Variants in ZNF385D observed in about 807,000 individuals in gnomAD.
ZNF385D encodes zinc finger protein 385D.
Under a neutral mutation model 35.8 loss-of-function variants are expected in ZNF385D, and 15 were observed. That is an observed-to-expected ratio of 0.42 (90% CI 0.28 to 0.64). The LOEUF (loss-of-function observed/expected upper bound fraction) is 0.64. ZNF385D is among the 30% of genes least tolerant of loss of function. ZNF385D has a pLI of 0.23. For synonymous variants in ZNF385D, 212 were observed against 186.8 expected (o/e 1.13, Z -1.10); for missense variants, 474 against 494.6 (o/e 0.96, Z 0.39).
At chr3:21,760,971 G>A (rs1317494232) in intron 3 of ZNF385D, among the ~76,000 whole-genome samples, 1 of 152,172 alleles carries the variant, frequency 6.6e-6, no homozygotes, top group African/African-American at 2.4e-5. Context: ...GACTGAGTGT[G>A]ACTTTAATGG....
chr3:22,111,892 T>C (rs1211184237), intron 3 of ZNF385D, among the ~76,000 whole-genome samples: 1 of 152,054 alleles, frequency 6.6e-6, no homozygotes, highest in Non-Finnish European at 1.5e-5. Context: ...TACTGAGAAG[T>C]GAAAAGCACA....
At chr3:22,050,363 AAAACAAAC>A (rs541971066) in intron 3 of ZNF385D, among the ~76,000 whole-genome samples, 3 of 151,842 alleles carry the variant, frequency 2.0e-5, no homozygotes, top group South Asian at 2.1e-4. Context: ...CTCTGTCAAA[AAAACAAAC>A]AAACAAACAA....
intron 2 of ZNF385D, among the ~76,000 whole-genome samples, chr3:21,585,907 G>A (rs1027047873): frequency 6.6e-6 from 1 of 152,164 alleles, no homozygotes; most frequent in Non-Finnish European, 1.5e-5. Flanking sequence ...AGTAGCTCAT[G>A]TCTGTAGTCC....
intron 2 of ZNF385D, among the ~76,000 whole-genome samples, chr3:22,366,043 T>A (rs531426324): frequency 7.9e-5 from 12 of 152,164 alleles, no homozygotes; most frequent in South Asian, 6.2e-4. Context: ...AATTTTTTTT[T>A]AATATTTTTT....
chr3:21,798,052 G>A (rs2072232670), intron 3 of ZNF385D, among the ~76,000 whole-genome samples: 1 of 152,184 alleles, frequency 6.6e-6, no homozygotes, highest in African/African-American at 2.4e-5. Context: ...ATGTGTCAAT[G>A]CAAGTTCATG....
intron 4 of ZNF385D, among the ~76,000 whole-genome samples, chr3:21,471,116 C>G (rs1226968860): frequency 6.6e-6 from 1 of 152,078 alleles, no homozygotes; most frequent in Non-Finnish European, 1.5e-5. Context: ...ATGGTTTGCC[C>G]AAGATCAGAC....
chr3:21,706,847 GATAGATAA>G (rs1359425633), intron 1 of ZNF385D, among the ~76,000 whole-genome samples: 56 of 137,266 alleles, frequency 4.1e-4, no homozygotes, highest in South Asian at 2.2e-3. Flanking sequence ...TAGATAGATA[GATAGATAA>G]ATAGATTAGA....
intron 3 of ZNF385D, among the ~76,000 whole-genome samples, chr3:22,015,378 T>C (rs1257880839): frequency 1.3e-5 from 2 of 152,164 alleles, no homozygotes; most frequent in Admixed American, 1.3e-4. Context: ...TCTCATATCA[T>C]GAACACCTAA....
At chr3:22,272,346 A>C (rs1424429488) in intron 2 of ZNF385D, among the ~76,000 whole-genome samples, 1 of 152,004 alleles carries the variant, frequency 6.6e-6, no homozygotes, top group Non-Finnish European at 1.5e-5. Context: ...CCAATATCTA[A>C]ATTTCTAAAT....
intron 3 of ZNF385D, among the ~76,000 whole-genome samples, chr3:21,810,384 G>C (rs1056768075): frequency 6.6e-6 from 1 of 151,360 alleles, no homozygotes; most frequent in Non-Finnish European, 1.5e-5. Flanking sequence ...GGGGGTGGGG[G>C]CTGGGGGAGG....
chr3:21,702,315 A>C (rs1477777812), intron 1 of ZNF385D, among the ~76,000 whole-genome samples: 3 of 152,230 alleles, frequency 2.0e-5, no homozygotes, highest in African/African-American at 7.2e-5. Flanking sequence ...CTGAAGCCAC[A>C]GCCTGAGCTC....
intron 3 of ZNF385D, among the ~76,000 whole-genome samples, chr3:22,112,437 G>A (rs1487684616): frequency 6.6e-6 from 1 of 152,116 alleles, no homozygotes; most frequent in Admixed American, 6.6e-5. Context: ...TAAAAAGAAT[G>A]ACAGCGGTGG....
chr3:22,280,366 GT>G (rs536746722), intron 2 of ZNF385D, among the ~76,000 whole-genome samples: 2,811 of 140,844 alleles, frequency 0.02, 47 homozygotes, highest in South Asian at 0.054. Flanking sequence ...GTCTAGAAGG[GT>G]TTTTTTTTTT....
chr3:22,008,991 C>T lies in ZNF385D; in HGVS notation c.325+159826G>A, dbSNP rs553204975. On this transcript the variant is annotated intron_variant, in intron 3 of 5. Transcript: ENST00000494108. ...GGAAGAAAATTATAAAACAAAACAA[C>T]AGGAATCAAAGAACCAGAAACATTA... Among the ~76,000 whole-genome samples the T allele has an allele frequency of 3.3e-5, 5 of 152,116 alleles. No homozygotes were observed. In the South Asian group the frequency reaches 1.0e-3, roughly 32 times the overall value.
intron 3 of ZNF385D, among the ~76,000 whole-genome samples, chr3:22,077,406 T>C (rs1394306285): frequency 6.6e-6 from 1 of 151,944 alleles, no homozygotes; most frequent in African/African-American, 2.4e-5. Context: ...GAAATTAAAA[T>C]TGTCCAACAT....
intron 3 of ZNF385D, among the ~76,000 whole-genome samples, chr3:21,989,439 A>G (rs1031793626): frequency 2.0e-5 from 3 of 152,190 alleles, no homozygotes; most frequent in Non-Finnish European, 4.4e-5. Flanking sequence ...CAACAGTCGG[A>G]AACTAATTAT....
intron 3 of ZNF385D, among the ~76,000 whole-genome samples, chr3:21,813,021 CATTTGCTGTTCTGCAAT>C (rs1021422608): frequency 3.9e-5 from 6 of 152,174 alleles, no homozygotes; most frequent in South Asian, 2.1e-4. Flanking sequence ...CAGGCAGCAA[CATTTGCTGTTCTGCAAT>C]ATTTGCTGTT....
At chr3:22,025,907 C>G (rs1446941689) in intron 3 of ZNF385D, among the ~76,000 whole-genome samples, 12 of 152,266 alleles carry the variant, frequency 7.9e-5, no homozygotes, top group African/African-American at 2.6e-4. Context: ...CATTCAACTA[C>G]AAAATGTAAA....
chr3:21,951,365 A>C (rs1185495751), intron 3 of ZNF385D, among the ~76,000 whole-genome samples: 1 of 151,722 alleles, frequency 6.6e-6, no homozygotes, highest in African/African-American at 2.4e-5. Flanking sequence ...ATTGGTGTAT[A>C]GGAATGCCTG....
Sources: gnomAD v4.1 joint callset for allele counts (sites outside exome capture counted in the v4.1 genomes callset) on GRCh38, gnomAD v4.1.1 for gene constraint, MANE v1.5 for transcripts, NCBI Gene and HGNC (gene_info 2026-07-23, HGNC 2026-07-21) for gene names.